The following TDRD3 variants were observed in gnomAD, a reference collection of about 807,000 sequenced individuals.
The protein encoded by TDRD3 is tudor domain-containing protein 3.
Under a neutral mutation model 86.7 loss-of-function variants are expected in TDRD3, and 45 were observed. The ratio of observed to expected loss-of-function variants is 0.52; its 90% CI spans 0.41 to 0.67. TDRD3 has a LOEUF of 0.67. Ranked by LOEUF, TDRD3 falls within the 30% of genes least tolerant of loss-of-function variation. The pLI, the probability that TDRD3 is intolerant of heterozygous loss-of-function variation, is 0.00. For synonymous variants in TDRD3, 298 were observed against 301.7 expected (o/e 0.99, Z 0.13); for missense variants, 814 against 889.0 (o/e 0.92, Z 1.07).
chr13:60,563,215 A>C (rs1368260323), intron 12 of TDRD3, among the ~76,000 whole-genome samples: 2 of 147,856 alleles, frequency 1.4e-5, no homozygotes, highest in Non-Finnish European at 3.0e-5. Context: ...GTGACAGAGC[A>C]AGACTCCATA....
intron 5 of TDRD3, 69 bp from the exon 6 acceptor site, chr13:60,483,706 T>G: frequency 6.9e-7 from 1 of 1,443,058 alleles, no homozygotes; most frequent in African/African-American, 1.4e-5. Flanking sequence ...AGATTCCTGT[T>G]ACATTATAAA....
At chr13:60,404,156 C>T (rs997915464) in intron 1 of TDRD3, among the ~76,000 whole-genome samples, 2 of 152,142 alleles carry the variant, frequency 1.3e-5, no homozygotes, top group Admixed American at 1.3e-4. Context: ...AATATCATGT[C>T]TTGTGCTCTT....
intron 12 of TDRD3, among the ~76,000 whole-genome samples, chr13:60,559,935 G>T (rs960291774): frequency 2.6e-5 from 4 of 151,680 alleles, no homozygotes; most frequent in Non-Finnish European, 5.9e-5. Flanking sequence ...AAACTGAGGT[G>T]ATGGATATGT....
chr13:60,535,312 C>G, intron 12 of TDRD3, 79 bp downstream of exon 12: 1 of 1,424,826 alleles, frequency 7.0e-7, no homozygotes, highest in Non-Finnish European at 9.3e-7. Flanking sequence ...GATAGCCATA[C>G]AAAATATGCA....
At chr13:60,469,363 C>A (rs1447420250) in intron 5 of TDRD3, among the ~76,000 whole-genome samples, 2 of 151,752 alleles carry the variant, frequency 1.3e-5, no homozygotes, top group Non-Finnish European at 2.9e-5. Context: ...CAACCCAGTC[C>A]CATAGCCAGG....
chr13:60,484,775 G>T, intron 6 of TDRD3: 1 of 430,764 alleles, frequency 2.3e-6, no homozygotes, highest in Admixed American at 2.6e-5. Context: ...TTCTCCCAGT[G>T]TAATGAAAAC....
intron 3 of TDRD3, among the ~76,000 whole-genome samples, chr13:60,449,114 TA>T (rs1380056998): frequency 6.6e-6 from 1 of 152,130 alleles, no homozygotes; most frequent in African/African-American, 2.4e-5. Flanking sequence ...TTCACTGCCT[TA>T]AAATTCAAAG....
chr13:60,565,243 G>C (rs1958427959), intron 12 of TDRD3, among the ~76,000 whole-genome samples: 1 of 151,510 alleles, frequency 6.6e-6, no homozygotes, highest in Admixed American at 6.6e-5. Context: ...TTTTAGTAGA[G>C]ACGAGGTTTC....
intron 10 of TDRD3, among the ~76,000 whole-genome samples, chr13:60,527,492 C>G (rs760312308): frequency 6.6e-6 from 1 of 152,060 alleles, no homozygotes; most frequent in Non-Finnish European, 1.5e-5. Context: ...ACAAAGGAAA[C>G]AAGACACATA....
intron 1 of TDRD3, among the ~76,000 whole-genome samples, chr13:60,428,407 A>T (rs1345485254): frequency 6.6e-6 from 1 of 151,900 alleles, no homozygotes; most frequent in Non-Finnish European, 1.5e-5. Context: ...TATGTTTTCT[A>T]AGTTAATATA....
chr13:60,398,394 G>C (rs955655801), intron 1 of TDRD3, among the ~76,000 whole-genome samples: 1 of 152,220 alleles, frequency 6.6e-6, no homozygotes, highest in African/African-American at 2.4e-5. Flanking sequence ...CTTTCCTAAA[G>C]TGGACTTGGA....
chr13:60,438,595 G>A (rs1346761828), intron 1 of TDRD3, among the ~76,000 whole-genome samples: 1 of 151,996 alleles, frequency 6.6e-6, no homozygotes, highest in Non-Finnish European at 1.5e-5. Context: ...CTTCTGTACT[G>A]TTCTAACTAT....
chr13:60,468,344 C>T (rs957418458), intron 5 of TDRD3, among the ~76,000 whole-genome samples: 10 of 152,160 alleles, frequency 6.6e-5, no homozygotes, highest in Admixed American at 1.3e-4. Flanking sequence ...TCCTGATCCC[C>T]GCATAGCCAA....
intron 8 of TDRD3, 54 bp downstream of exon 8, chr13:60,494,629 T>C: frequency 6.5e-7 from 1 of 1,547,744 alleles, no homozygotes; most frequent in South Asian, 1.2e-5. Flanking sequence ...AAAATGATTC[T>C]TTTATTCTTT....
intron 10 of TDRD3, among the ~76,000 whole-genome samples, chr13:60,523,808 C>T (rs1957344161): frequency 6.6e-6 from 1 of 152,052 alleles, no homozygotes; most frequent in East Asian, 1.9e-4. Context: ...AACTCCTGAC[C>T]TCAAGTGATC....
chr13:60,475,076 CT>C (rs569970058), intron 5 of TDRD3, among the ~76,000 whole-genome samples: 20 of 148,068 alleles, frequency 1.4e-4, no homozygotes, highest in South Asian at 2.2e-4. Flanking sequence ...AAGTCTTTTC[CT>C]TTTTTTTTTC....
At chr13:60,492,917 C>CTTTTTT (rs71199004) in intron 7 of TDRD3, among the ~76,000 whole-genome samples, 1,608 of 115,326 alleles carry the variant, frequency 0.014, 4 homozygotes, top group East Asian at 0.036. Flanking sequence ...TCTTTCTTTT[C>CTTTTTT]TTTTTTTTTT....
chr13:60,417,054 C>T (rs1188774822), intron 1 of TDRD3, among the ~76,000 whole-genome samples: 1 of 148,204 alleles, frequency 6.7e-6, no homozygotes, highest in Admixed American at 6.7e-5. Flanking sequence ...TCTTATTCTG[C>T]TGCCCAGGCT....
chr13:60,549,132 G>T (rs893032427), intron 12 of TDRD3, among the ~76,000 whole-genome samples: 3 of 152,048 alleles, frequency 2.0e-5, no homozygotes, highest in African/African-American at 7.2e-5. Context: ...TCAAGGTAGT[G>T]GTGGTTTTAG....
Sources: gnomAD v4.1 joint callset for allele counts (sites outside exome capture counted in the v4.1 genomes callset) on GRCh38, gnomAD v4.1.1 for gene constraint, MANE v1.5 for transcripts, NCBI Gene and HGNC (gene_info 2026-07-23, HGNC 2026-07-21) for gene names.